The following JARID2 variants were observed in gnomAD, a reference collection of about 807,000 sequenced individuals.
JARID2 encodes protein Jumonji.
A neutral mutation model predicts 125.6 loss-of-function variants in JARID2; 21 were observed. That is an observed-to-expected ratio of 0.17 (90% CI 0.12 to 0.24). The LOEUF (loss-of-function observed/expected upper bound fraction) is 0.24, where lower values mean the gene tolerates loss of function less well. Ranked by LOEUF, JARID2 falls within the 10% of genes least tolerant of loss-of-function variation. JARID2 has a pLI of 1.00. For missense variants in JARID2, 1,303 were observed against 1,639.6 expected (o/e 0.79, Z 3.55); for synonymous variants, 736 against 661.6 (o/e 1.11, Z -1.73).
At chr6:15,513,706 C>CT (rs1489173177) in intron 16 of JARID2, among the ~76,000 whole-genome samples, 1 of 152,248 alleles carries the variant, frequency 6.6e-6, no homozygotes, top group Non-Finnish European at 1.5e-5. Context: ...TGGCCTCCCT[C>CT]TCCGCCCTAC....
chr6:15,439,764 G>C (rs991782181), intron 3 of JARID2, among the ~76,000 whole-genome samples: 1 of 152,142 alleles, frequency 6.6e-6, no homozygotes, highest in African/African-American at 2.4e-5. Context: ...CTAAAGAAGA[G>C]GGGTAACAAG....
chr6:15,507,272 C>T lies in JARID2; in HGVS notation c.2660+18C>T, dbSNP rs369157249. The T allele has an allele frequency of 2.8e-5, 45 of 1,598,314 alleles. No homozygotes were observed. Among genetic ancestry groups the T allele is most frequent in the African/African-American group, 2.5e-4 (19 of 74,750 alleles). On this transcript the variant is annotated intron_variant, in intron 10 of 17. Coordinates refer to ENST00000341776, the MANE Select transcript of JARID2 (RefSeq NM_004973.4). ...TTTTCGAGGTAACCTGGGATTCTCT[C>T]GTCCAGGTTCTTGGGGATGTGACTG...
In JARID2 at chr6:15,520,968, A is replaced by T; in HGVS notation, c.*717A>T. 2.9e-6 allele frequency: 1 copy of T among 339,276 alleles called. No homozygotes were observed. The highest frequency in any genetic ancestry group is 6.1e-6 in the Non-Finnish European group (1 of 163,670). The allele number at this position is 339,276 out of a possible 1,614,324, so 21.0% of individuals were successfully genotyped here. A position where few individuals can be genotyped will look rare whatever the true frequency, so the allele number is the denominator to read the frequency against. ...AGACTGCCTGCCTTGGAGGGGTCAC[A>T]TGAGGGAGACCTGTGCCTGATTTCA... On this transcript the variant is annotated 3_prime_UTR_variant, in exon 18 of 18. Coordinates refer to ENST00000341776, the MANE Select transcript of JARID2 (RefSeq NM_004973.4).
At chr6:15,328,445 C>A (rs537388780) in intron 1 of JARID2, among the ~76,000 whole-genome samples, 6 of 152,280 alleles carry the variant, frequency 3.9e-5, no homozygotes, top group African/African-American at 1.4e-4. Flanking sequence ...CCTGTAGTTA[C>A]TTGAAATGCT....
chr6:15,349,585 A>G (rs188219874), intron 1 of JARID2, among the ~76,000 whole-genome samples: 1 of 152,130 alleles, frequency 6.6e-6, no homozygotes, highest in Non-Finnish European at 1.5e-5. Flanking sequence ...AAGATCACTG[A>G]TGGCTTTTGA....
At chr6:15,385,340 T>C (rs1222750065) in intron 2 of JARID2, among the ~76,000 whole-genome samples, 2 of 152,122 alleles carry the variant, frequency 1.3e-5, no homozygotes, top group Non-Finnish European at 2.9e-5. Flanking sequence ...TTGAACATTC[T>C]AGTAAAAAGG....
chr6:15,281,965 T>TGTGTGTG (rs1554118830), intron 1 of JARID2, among the ~76,000 whole-genome samples: 2 of 140,372 alleles, frequency 1.4e-5, no homozygotes, highest in African/African-American at 2.7e-5. Context: ...TGTGTGTGTG[T>TGTGTGTG]TTGAGACAGA....
At chr6:15,352,882 A>T (rs1002798505) in intron 1 of JARID2, among the ~76,000 whole-genome samples, 1 of 152,238 alleles carries the variant, frequency 6.6e-6, no homozygotes, top group Non-Finnish European at 1.5e-5. Context: ...AGACATCAAT[A>T]CATCTTTTGC....
At chr6:15,306,653 T>C (rs1477038191) in intron 1 of JARID2, among the ~76,000 whole-genome samples, 2 of 151,942 alleles carry the variant, frequency 1.3e-5, no homozygotes, top group African/African-American at 4.8e-5. Flanking sequence ...CAGTCACATT[T>C]CATAAGGATC....
At chr6:15,341,213 G>T (rs993599403) in intron 1 of JARID2, among the ~76,000 whole-genome samples, 3 of 152,108 alleles carry the variant, frequency 2.0e-5, no homozygotes, top group Admixed American at 2.0e-4. Context: ...CAGAAATAAT[G>T]CCTGCTGCCC....
rs1340191487 is a variant in JARID2, at chr6:15,500,977, T to C, written c.2016T>C (p.Thr672=). 1 of 1,614,090 alleles carries C rather than the reference T, an allele frequency of 6.2e-7. No individual in the cohort carries two copies. Among genetic ancestry groups the C allele is most frequent in the Non-Finnish European group, 8.5e-7 (1 of 1,179,930 alleles). The change falls in exon 8 of 18, where the codon ACT becomes ACC. Residue 672 remains threonine, a synonymous_variant. Transcript: ENST00000341776. ...AGATGGGCGGCATGCAGCAAGTGACTGACCTCAAAAAATGGAACAAACTAG... is the reference window on the plus strand; with the variant it reads ...AGATGGGCGGCATGCAGCAAGTGACCGACCTCAAAAAATGGAACAAACTAG... ...INEMGGMQQV[T]DLKKWNKLAD...
At position 15,401,154 on chromosome 6, in the gene JARID2, C is replaced by CTATATA. The variant is rs140011539; in HGVS notation, c.182-9056_182-9051dup. On this transcript the variant is annotated intron_variant, in intron 2 of 17. Transcript: ENST00000341776. ...TAAATCCATTGTGGATGGCAAGGTG[C>CTATATA]TATATATATATATATATATGAGAGA... 2.0e-3 allele frequency: 1,588 copies of CTATATA among 808,682 alleles called. 24 individuals carry two copies. In the African/African-American group the frequency reaches 0.027, roughly 14 times the overall value. 50.1% of individuals were successfully genotyped at this position (808,682 alleles called of 1,614,324 possible).
intron 1 of JARID2, among the ~76,000 whole-genome samples, chr6:15,352,074 C>G (rs1044740338): frequency 2.6e-5 from 4 of 152,170 alleles, no homozygotes; most frequent in Non-Finnish European, 5.9e-5. Context: ...AGTTCTCCCT[C>G]TTTTCTGTCC....
chr6:15,416,560 C>CG, intron 3 of JARID2, among the ~76,000 whole-genome samples: 1 of 151,904 alleles, frequency 6.6e-6, no homozygotes, highest in Admixed American at 6.5e-5. Flanking sequence ...TGGTGGCGCG[C>CG]GCCTGCAATG....
rs546496652 is a variant in JARID2, at chr6:15,355,770, C to T, written c.46-18347C>T. Reference sequence around the variant, plus strand: ...GGGACCACAGGTGCGTGCCACCACGCCTGGCTAATTTCTGTATTTTTAGTA... The same window carrying T: ...GGGACCACAGGTGCGTGCCACCACGTCTGGCTAATTTCTGTATTTTTAGTA... On this transcript the variant is annotated intron_variant, in intron 1 of 17. Coordinates refer to ENST00000341776, the MANE Select transcript of JARID2 (RefSeq NM_004973.4). Among the ~76,000 whole-genome samples the T allele has an allele frequency of 2.6e-5, 4 of 152,282 alleles. No individual in the cohort carries two copies. The East Asian group carries it at 5.8e-4, about 22-fold the overall frequency.
intron 1 of JARID2, chr6:15,248,940 T>C: frequency 3.0e-6 from 3 of 985,592 alleles, no homozygotes; most frequent in Non-Finnish European, 3.6e-6. Flanking sequence ...TGCCTTCCGC[T>C]CCGGAGCGTC....
chr6:15,429,551 G>C (rs535580973), intron 3 of JARID2, among the ~76,000 whole-genome samples: 1 of 152,148 alleles, frequency 6.6e-6, no homozygotes, highest in Admixed American at 6.5e-5. Context: ...TTACAGACCT[G>C]AGCCACCGCA....
At chr6:15,275,157 A>C (rs1010327962) in intron 1 of JARID2, among the ~76,000 whole-genome samples, 16 of 152,138 alleles carry the variant, frequency 1.1e-4, no homozygotes, top group Non-Finnish European at 2.2e-4. Context: ...TCTCCTTGCA[A>C]AATGTTTCTG....
chr6:15,440,747 C>G (rs1466200962), intron 3 of JARID2, among the ~76,000 whole-genome samples: 2 of 152,120 alleles, frequency 1.3e-5, no homozygotes, highest in East Asian at 3.8e-4. Context: ...GAGAATGTGC[C>G]GTTGTTTCAG....
Sources: gnomAD v4.1 joint callset for allele counts (sites outside exome capture counted in the v4.1 genomes callset) on GRCh38, gnomAD v4.1.1 for gene constraint, MANE v1.5 for transcripts, NCBI Gene and HGNC (gene_info 2026-07-23, HGNC 2026-07-21) for gene names.